The following PIR variants were observed in gnomAD, a reference collection of about 807,000 sequenced individuals.
PIR encodes pirin (iron-binding nuclear protein).
A neutral mutation model predicts 24.2 loss-of-function variants in PIR; 22 were observed. The observed-to-expected ratio is 0.91, with a 90% CI of 0.65 to 1.30. The LOEUF (loss-of-function observed/expected upper bound fraction) is 1.30. Ranked by LOEUF, PIR falls within the 50% of genes most tolerant of loss-of-function variation. PIR has a pLI of 0.00. For synonymous variants in PIR, 80 were observed against 79.6 expected, an observed-to-expected ratio of 1.00 and a Z score of -0.03; for missense variants, 220 against 220.3, an observed-to-expected ratio of 1.00 and a Z score of 0.01.
intron 9 of PIR, among the ~76,000 whole-genome samples, chrX:15,388,159 T>C (rs1029277719): frequency 8.9e-6 from 1 of 112,567 alleles, no homozygotes; most frequent in Non-Finnish European, 1.9e-5. Context: ...TTTCAAATTA[T>C]AGCTTTCATC....
chrX:15,402,823 T>A (rs1000098656), intron 7 of PIR, among the ~76,000 whole-genome samples: 1 of 112,089 alleles, frequency 8.9e-6, no homozygotes, highest in Admixed American at 9.5e-5. Flanking sequence ...CCTTTAGCAA[T>A]TCACTTTTAC....
intron 5 of PIR, among the ~76,000 whole-genome samples, chrX:15,434,159 A>G (rs1304378372): frequency 2.5e-4 from 23 of 90,997 alleles, no homozygotes; most frequent in African/African-American, 8.2e-4. Context: ...GAGAAAGAAG[A>G]AGGAGGAGAA....
intron 2 of PIR, among the ~76,000 whole-genome samples, chrX:15,486,063 G>A (rs953896424): frequency 7.3e-5 from 8 of 109,330 alleles, no homozygotes; most frequent in Non-Finnish European, 1.1e-4. Context: ...AGTCTCTTAA[G>A]GCCAATCAGG....
intron 6 of PIR, among the ~76,000 whole-genome samples, chrX:15,408,204 G>T (rs1227914679): frequency 2.7e-5 from 3 of 111,306 alleles, no homozygotes; most frequent in Non-Finnish European, 5.7e-5. Context: ...TGATCCGCCC[G>T]CCTTGACCTC....
Position 15,404,466 on chromosome X carries a change from T to C in PIR, c.610+3040A>G, listed in dbSNP as rs1248902155. On this transcript the variant is annotated intron_variant, in intron 7 of 9. Coordinates refer to ENST00000380420, the MANE Select transcript of PIR (RefSeq NM_001018109.3). Reference sequence around the variant, plus strand: ...TTTCCTCAACCCAAGTTGCAGCCCATTTATTCCAGCCCGATACACCAAGTA... The same window carrying C: ...TTTCCTCAACCCAAGTTGCAGCCCACTTATTCCAGCCCGATACACCAAGTA... Among the ~76,000 whole-genome samples, 4 of 112,304 alleles carry C rather than the reference T, an allele frequency of 3.6e-5. No homozygotes were observed. The Admixed American group carries it at 3.8e-4, about 11-fold the overall frequency.
chrX:15,466,006 G>GTTTTT lies in PIR; in HGVS notation c.190-6271_190-6267dup, dbSNP rs200803758. 2.8e-3 allele frequency among the ~76,000 whole-genome samples: 174 copies of GTTTTT among 63,074 alleles called. 1 individual carries two copies. The highest frequency in any genetic ancestry group is 4.4e-3 in the African/African-American group (64 of 14,414). The allele number at this position is 63,074 out of a possible 115,157, so 54.8% of individuals were successfully genotyped here. A position where few individuals can be genotyped will look rare whatever the true frequency, so the allele number is the denominator to read the frequency against. On this transcript the variant is annotated intron_variant, in intron 3 of 9. Transcript: ENST00000380420. Reference sequence around the variant, plus strand: ...TTCCATTTGCTTTAAAATGGTGGCTGTTTTTTTTTTTTTTTTTTTTTTGTC... The same window carrying GTTTTT: ...TTCCATTTGCTTTAAAATGGTGGCTGTTTTTTTTTTTTTTTTTTTTTTTTTTTGTC...
intron 5 of PIR, among the ~76,000 whole-genome samples, chrX:15,436,738 G>A (rs1394337098): frequency 8.9e-6 from 1 of 112,455 alleles, no homozygotes; most frequent in Non-Finnish European, 1.9e-5. Context: ...ATTTTTAAGA[G>A]TTCTTGTAGG....
At chrX:15,413,716 T>C (rs1341266154) in intron 6 of PIR, among the ~76,000 whole-genome samples, 1 of 112,231 alleles carries the variant, frequency 8.9e-6, no homozygotes. Context: ...GTGACACCAA[T>C]AATAAAATGC....
chrX:15,420,357 G>A (rs902704691), intron 6 of PIR, among the ~76,000 whole-genome samples: 1 of 112,140 alleles, frequency 8.9e-6, no homozygotes, highest in African/African-American at 3.2e-5. Flanking sequence ...TCTGAGAGCA[G>A]AGCAAAAATG....
intron 7 of PIR, among the ~76,000 whole-genome samples, chrX:15,404,040 G>A (rs910557811): frequency 2.0e-5 from 2 of 98,835 alleles, no homozygotes; most frequent in Non-Finnish European, 4.0e-5. Flanking sequence ...CCGCTCTGTT[G>A]CCTAGGCTGG....
At chrX:15,454,051 G>A (rs1478320369) in intron 5 of PIR, among the ~76,000 whole-genome samples, 4 of 111,578 alleles carry the variant, frequency 3.6e-5, no homozygotes, top group Non-Finnish European at 7.5e-5. Flanking sequence ...AAACCTCAGA[G>A]TCCTGGAAAC....
At chrX:15,489,367 T>C (rs1314086622) in intron 2 of PIR, among the ~76,000 whole-genome samples, 2 of 112,497 alleles carry the variant, frequency 1.8e-5, no homozygotes, top group African/African-American at 6.5e-5. Flanking sequence ...TTTTAAAACA[T>C]TGCTTTCAGA....
intron 3 of PIR, among the ~76,000 whole-genome samples, chrX:15,475,499 G>A (rs1922145881): frequency 9.0e-6 from 1 of 111,333 alleles, no homozygotes; most frequent in South Asian, 3.8e-4. Flanking sequence ...GGACTGAGAG[G>A]TTCCTGGGGA....
intron 6 of PIR, among the ~76,000 whole-genome samples, chrX:15,422,669 G>A (rs765209506): frequency 7.4e-4 from 81 of 110,114 alleles, no homozygotes; most frequent in African/African-American, 2.5e-3. Flanking sequence ...ACTGATGATA[G>A]AAATTGAAAA....
chrX:15,477,188 G>A (rs1922239410), intron 3 of PIR, among the ~76,000 whole-genome samples: 1 of 111,483 alleles, frequency 9.0e-6, no homozygotes, highest in Admixed American at 9.6e-5. Context: ...AGTACAAGTG[G>A]GGCTGGCTTT....
chrX:15,388,380 G>A (rs1375831104), intron 9 of PIR, among the ~76,000 whole-genome samples: 1 of 111,808 alleles, frequency 8.9e-6, no homozygotes, highest in Non-Finnish European at 1.9e-5. Flanking sequence ...GAGGCAGAAG[G>A]GCAGGGTGTT....
At chrX:15,409,333 G>A (rs962706707) in intron 6 of PIR, among the ~76,000 whole-genome samples, 2 of 108,289 alleles carry the variant, frequency 1.8e-5, no homozygotes, top group East Asian at 2.9e-4. Context: ...TCCTGACCTC[G>A]TGATCCACCC....
intron 9 of PIR, among the ~76,000 whole-genome samples, chrX:15,388,484 C>T (rs932817404): frequency 8.9e-6 from 1 of 112,212 alleles, no homozygotes; most frequent in Non-Finnish European, 1.9e-5. Flanking sequence ...GTAAAATGGG[C>T]ATGAGAGTAC....
At chrX:15,476,184 A>T (rs1922181440) in intron 3 of PIR, among the ~76,000 whole-genome samples, 1 of 112,244 alleles carries the variant, frequency 8.9e-6, no homozygotes, top group African/African-American at 3.2e-5. Flanking sequence ...GTCACACCTG[A>T]GATAATGAGA....
Sources: gnomAD v4.1 joint callset for allele counts (sites outside exome capture counted in the v4.1 genomes callset) on GRCh38, gnomAD v4.1.1 for gene constraint, MANE v1.5 for transcripts, NCBI Gene and HGNC (gene_info 2026-07-23, HGNC 2026-07-21) for gene names.